Variants in UBR3 observed in about 807,000 individuals in gnomAD.
UBR3 encodes the protein E3 ubiquitin-protein ligase UBR3.
UBR3 carries 85 observed loss-of-function variants against 243.2 expected under a neutral mutation model. The observed-to-expected ratio is 0.35, with a 90% CI of 0.29 to 0.42. The LOEUF (loss-of-function observed/expected upper bound fraction) is 0.42. Among genes scored for constraint, UBR3 ranks in the 10% least tolerant of loss-of-function variants. The pLI, the probability that UBR3 is intolerant of heterozygous loss-of-function variation, is 1.00. For synonymous variants in UBR3, 748 were observed against 799.8 expected, an observed-to-expected ratio of 0.94 and a Z score of 1.09; for missense variants, 1,686 against 2,300.8, an observed-to-expected ratio of 0.73 and a Z score of 5.47.
chr2:169,844,235 G>C (rs1297535817), intron 1 of UBR3, among the ~76,000 whole-genome samples: 1 of 151,950 alleles, frequency 6.6e-6, no homozygotes, highest in African/African-American at 2.4e-5. Flanking sequence ...TCAAACTCAG[G>C]CGATCCACCC....
intron 1 of UBR3, among the ~76,000 whole-genome samples, chr2:169,845,570 CTTT>C (rs2082451227): frequency 7.4e-6 from 1 of 134,404 alleles, no homozygotes; most frequent in Admixed American, 8.0e-5. Context: ...TCTTCTTCTT[CTTT>C]CTTCTTTCTT....
At chr2:169,858,493 A>C (rs73024459) in intron 1 of UBR3, among the ~76,000 whole-genome samples, 6,572 of 151,820 alleles carry the variant, frequency 0.043, 163 homozygotes, top group Middle Eastern at 0.068. Context: ...GAAAGAGTTT[A>C]TTTCTCCTCA....
At chr2:169,985,224 C>CTTTTTTT (rs71006060) in intron 24 of UBR3, among the ~76,000 whole-genome samples, 6 of 113,106 alleles carry the variant, frequency 5.3e-5, no homozygotes, top group East Asian at 2.4e-4. Flanking sequence ...CAACTCTTTT[C>CTTTTTTT]TTTTTTTTTT....
chr2:170,039,887 A>G (rs924560948), intron 31 of UBR3, among the ~76,000 whole-genome samples: 1 of 151,970 alleles, frequency 6.6e-6, no homozygotes, highest in African/African-American at 2.4e-5. Flanking sequence ...TTTGTCTTTT[A>G]TAGTGTACTT....
rs35860819 is a variant in UBR3, at chr2:169,829,422, GTTTTT to G, written c.545+1384_545+1388del. ...CAACATAATTGCAGCTAACATTTGAGTTTTTTTTTTTTTTTTTTGAGACGGAGTTT... is the reference window on the plus strand; with the variant it reads ...CAACATAATTGCAGCTAACATTTGAGTTTTTTTTTTTTTGAGACGGAGTTT... On this transcript the variant is annotated intron_variant, in intron 1 of 38. Coordinates refer to ENST00000272793, the MANE Select transcript of UBR3 (RefSeq NM_172070.4). 5.1e-3 allele frequency among the ~76,000 whole-genome samples: 677 copies of G among 133,766 alleles called. 6 individuals are homozygous for G. Among genetic ancestry groups the G allele is most frequent in the African/African-American group, 0.018 (634 of 36,096 alleles). 87.8% of individuals were successfully genotyped at this position (133,766 alleles called of 152,430 possible).
In UBR3 at chr2:170,040,949, A is replaced by G; in HGVS notation, c.4624A>G (p.Ile1542Val). The G allele has an allele frequency of 6.2e-7, 1 of 1,613,486 alleles. No homozygotes were observed. The stretch of plus-strand genomic sequence containing the variant: ...TCATGATGTAACATCCCTTTTGCTC[A>G]TCCAGATCTTAATGATGCCACAACC... The part of the protein sequence containing the change: ...LYHDVTSLLL[I>V]QILMMPQPLR... The change falls in exon 32 of 39, where the codon ATC (isoleucine) becomes GTC (valine). Residue 1542 changes from isoleucine to valine, a missense_variant. By Grantham distance (29) the Ile-to-Val change is conservative (BLOSUM62 3). Around this residue, in one of 8 missense-constraint regions of UBR3, gnomAD observed 371 missense variants for 422.5 expected, o/e 0.88. Transcript: ENST00000272793.
At chr2:170,067,480 TA>T (rs1465954145) in intron 35 of UBR3, among the ~76,000 whole-genome samples, 1 of 152,102 alleles carries the variant, frequency 6.6e-6, no homozygotes, top group African/African-American at 2.4e-5. Flanking sequence ...TCAACTAGGA[TA>T]AAAGAGACCT....
intron 23 of UBR3, among the ~76,000 whole-genome samples, chr2:169,957,958 A>T (rs1448131313): frequency 1.3e-5 from 2 of 152,196 alleles, no homozygotes; most frequent in Non-Finnish European, 2.9e-5. Context: ...ATTCTCTGTT[A>T]GGAGAGGCCT....
At chr2:170,071,667 T>A (rs1177970515) in intron 35 of UBR3, among the ~76,000 whole-genome samples, 2 of 152,298 alleles carry the variant, frequency 1.3e-5, no homozygotes, top group African/African-American at 4.8e-5. Flanking sequence ...AATGGAAGAA[T>A]TGTAAATTTC....
intron 35 of UBR3, among the ~76,000 whole-genome samples, chr2:170,065,163 A>G (rs1427135835): frequency 6.6e-6 from 1 of 152,078 alleles, no homozygotes; most frequent in African/African-American, 2.4e-5. Flanking sequence ...TCTTATATAC[A>G]TTTTTTAATC....
At chr2:169,894,604 C>T (rs2084510553) in intron 6 of UBR3, among the ~76,000 whole-genome samples, 2 of 151,668 alleles carry the variant, frequency 1.3e-5, no homozygotes, top group Admixed American at 1.3e-4. Context: ...AAAGTGATGA[C>T]ATACTGAGCT....
At chr2:169,907,343 C>T (rs1000872209) in intron 10 of UBR3, among the ~76,000 whole-genome samples, 2 of 152,050 alleles carry the variant, frequency 1.3e-5, no homozygotes, top group Non-Finnish European at 2.9e-5. Flanking sequence ...AACTATCTGT[C>T]CATATGATAT....
At chr2:169,924,933 T>C (rs1376620290) in intron 13 of UBR3, among the ~76,000 whole-genome samples, 1 of 152,098 alleles carries the variant, frequency 6.6e-6, no homozygotes, top group Non-Finnish European at 1.5e-5. Context: ...CTCGGGAGGC[T>C]GAGGCAAGAA....
chr2:169,893,946 C>A (rs1574141792), intron 6 of UBR3, among the ~76,000 whole-genome samples: 1 of 152,004 alleles, frequency 6.6e-6, no homozygotes, highest in South Asian at 2.1e-4. Context: ...ATCTTTGAAT[C>A]TGTCAGTGAA....
intron 3 of UBR3, among the ~76,000 whole-genome samples, chr2:169,876,531 TTATTG>T (rs71006049): frequency 0.066 from 9,706 of 147,278 alleles, 635 homozygotes; most frequent in African/African-American, 0.18. Flanking sequence ...CTGCCTCTCT[TTATTG>T]TATTGTATTG....
chr2:170,044,346 C>A (rs2091034164), intron 32 of UBR3, among the ~76,000 whole-genome samples: 1 of 152,158 alleles, frequency 6.6e-6, no homozygotes, highest in Non-Finnish European at 1.5e-5. Context: ...AGAAACCTAG[C>A]TATATACCTC....
chr2:170,028,562 CATAATTAAATTACTATGTGTGGCAGAATA>C (rs1370078769), intron 30 of UBR3, among the ~76,000 whole-genome samples: 1 of 150,628 alleles, frequency 6.6e-6, no homozygotes, highest in East Asian at 1.9e-4. Context: ...TAATTATTGT[CATAATTAAATTACTATGTGTGGCAGAATA>C]ATAATTAAAT....
rs34139528 is a variant in UBR3 at position 169,831,127 on chromosome 2, A to AT, written c.545+3103dup. 3.9e-3 allele frequency among the ~76,000 whole-genome samples: 222 copies of AT among 56,486 alleles called. 34 individuals carry two copies. The East Asian group carries it at 0.047, about 12-fold the overall frequency. The allele number at this position is 56,486 out of a possible 152,430, so 37.1% of individuals were successfully genotyped here. A position where few individuals can be genotyped will look rare whatever the true frequency, so the allele number is the denominator to read the frequency against. The stretch of plus-strand genomic sequence containing the variant: ...GTACATTATATATATATATATATAT[A>AT]TTTTTTTTTTTTTTTTTTTTTTTTT... On this transcript the variant is annotated intron_variant, in intron 1 of 38. Coordinates refer to ENST00000272793, the MANE Select transcript of UBR3 (RefSeq NM_172070.4).
At chr2:170,027,234 A>G (rs1169266220) in intron 30 of UBR3, among the ~76,000 whole-genome samples, 1 of 151,440 alleles carries the variant, frequency 6.6e-6, no homozygotes, top group Non-Finnish European at 1.5e-5. Flanking sequence ...TGTAAGCCCA[A>G]CTTACATACT....
Sources: allele counts gnomAD v4.1 joint callset (sites outside exome capture counted in the v4.1 genomes callset), GRCh38; gene constraint gnomAD v4.1.1; regional missense constraint gnomAD v4.1.1; transcripts MANE v1.5; gene names NCBI Gene and HGNC (gene_info 2026-07-23, HGNC 2026-07-21).